The following ATP8B1 variants were observed in gnomAD, a reference collection of about 807,000 sequenced individuals.
The protein encoded by ATP8B1 is phospholipid-transporting ATPase IC.
In ATP8B1, 80 loss-of-function variants were observed where a neutral mutation model predicts 149.9. The observed-to-expected ratio is 0.53, with a 90% CI of 0.45 to 0.64. The LOEUF is 0.64. Ranked by LOEUF, ATP8B1 falls within the 30% of genes least tolerant of loss-of-function variation. ATP8B1 has a pLI of 0.00. For synonymous variants in ATP8B1, 536 were observed against 562.8 expected (o/e 0.95, Z 0.67); for missense variants, 1,247 against 1,552.6 (o/e 0.80, Z 3.31).
At chr18:57,780,338 A>G (rs2123412952) in intron 1 of ATP8B1, among the ~76,000 whole-genome samples, 1 of 152,378 alleles carries the variant, frequency 6.6e-6, no homozygotes, top group Admixed American at 6.5e-5. Flanking sequence ...TGAAGACTTT[A>G]TAGAATTCAC....
chr18:57,708,010 T>C (rs111714483), intron 2 of ATP8B1, among the ~76,000 whole-genome samples: 18,823 of 149,960 alleles, frequency 0.13, 1,416 homozygotes, highest in South Asian at 0.28. Context: ...CACAAAAAAG[T>C]AATGGGGCAT....
intron 1 of ATP8B1, among the ~76,000 whole-genome samples, chr18:57,783,253 G>A (rs1014452587): frequency 2.6e-5 from 4 of 152,092 alleles, no homozygotes; most frequent in African/African-American, 9.7e-5. Flanking sequence ...AAGATTACAG[G>A]GGAAAGAGGG....
chr18:57,671,671 G>A (rs1233806609), intron 16 of ATP8B1, 91 bp from the exon 17 acceptor site: 3 of 889,536 alleles, frequency 3.4e-6, no homozygotes, highest in Non-Finnish European at 5.5e-6. Context: ...TGTCCAGGCT[G>A]GAGTGCAGCA....
At chr18:57,797,507 C>T (rs546232311) in intron 1 of ATP8B1, among the ~76,000 whole-genome samples, 26 of 152,238 alleles carry the variant, frequency 1.7e-4, no homozygotes, top group African/African-American at 5.8e-4. Flanking sequence ...ACTCCATCCC[C>T]ACCACAGCTT....
chr18:57,799,341 T>A (rs1169970789), intron 1 of ATP8B1, among the ~76,000 whole-genome samples: 1 of 152,192 alleles, frequency 6.6e-6, no homozygotes, highest in Non-Finnish European at 1.5e-5. Flanking sequence ...TATTTAAAAG[T>A]GCAGTGCATT....
chr18:57,704,433 T>C (rs1913284541), intron 4 of ATP8B1, 122 bp downstream of exon 4: 1 of 725,680 alleles, frequency 1.4e-6, no homozygotes, highest in Admixed American at 2.1e-5. Flanking sequence ...TGTTCCTTTA[T>C]GTACAGAACC....
intron 2 of ATP8B1, among the ~76,000 whole-genome samples, chr18:57,709,179 T>G (rs1472498925): frequency 6.6e-6 from 1 of 152,206 alleles, no homozygotes; most frequent in East Asian, 1.9e-4. Flanking sequence ...GTCTACTCTT[T>G]ATTCATCTAT....
chr18:57,785,869 T>C (rs1376637533), intron 1 of ATP8B1, among the ~76,000 whole-genome samples: 2 of 152,214 alleles, frequency 1.3e-5, no homozygotes, highest in Non-Finnish European at 2.9e-5. Flanking sequence ...AGAACTTGGT[T>C]ATTCTCCTCT....
At chr18:57,723,079 G>A (rs1438121472) in intron 2 of ATP8B1, among the ~76,000 whole-genome samples, 1 of 151,460 alleles carries the variant, frequency 6.6e-6, no homozygotes, top group Non-Finnish European at 1.5e-5. Context: ...CAGTAAATTA[G>A]GTATTGATGG....
chr18:57,779,290 G>A (rs2080337348), intron 1 of ATP8B1, among the ~76,000 whole-genome samples: 1 of 151,810 alleles, frequency 6.6e-6, no homozygotes, highest in Non-Finnish European at 1.5e-5. Flanking sequence ...ACTCCAGCCT[G>A]GGCGACAGAG....
intron 1 of ATP8B1, among the ~76,000 whole-genome samples, chr18:57,783,746 A>G (rs564020901): frequency 6.6e-6 from 1 of 152,230 alleles, no homozygotes; most frequent in African/African-American, 2.4e-5. Flanking sequence ...TGAGGCAGGA[A>G]AATTGCTTGA....
intron 1 of ATP8B1, among the ~76,000 whole-genome samples, chr18:57,788,052 C>T (rs185736182): frequency 4.6e-5 from 7 of 151,940 alleles, no homozygotes; most frequent in Admixed American, 2.0e-4. Context: ...AAACTGAATA[C>T]GGAATGAACA....
intron 16 of ATP8B1, among the ~76,000 whole-genome samples, 157 bp downstream of exon 16, chr18:57,674,677 C>T (rs553611229): frequency 6.0e-4 from 92 of 152,296 alleles, no homozygotes; most frequent in African/African-American, 1.9e-3. Context: ...TGAGCCACCA[C>T]GCCCAGCCAA....
intron 4 of ATP8B1, among the ~76,000 whole-genome samples, chr18:57,702,860 A>G (rs75219507): frequency 7.8e-6 from 1 of 127,830 alleles, no homozygotes; most frequent in Non-Finnish European, 1.9e-5. Context: ...TCCATCTCAA[A>G]AAAAAAAAAA....
chr18:57,734,508 C>T (rs77462969), intron 1 of ATP8B1, among the ~76,000 whole-genome samples: 1,812 of 152,302 alleles, frequency 0.012, 37 homozygotes, highest in African/African-American at 0.041. Flanking sequence ...TTTTCATATA[C>T]TTCTTGGCGA....
At chr18:57,793,180 G>C (rs758609185) in intron 1 of ATP8B1, among the ~76,000 whole-genome samples, 1 of 152,150 alleles carries the variant, frequency 6.6e-6, no homozygotes, top group Non-Finnish European at 1.5e-5. Flanking sequence ...GTTCTGCTGA[G>C]AAAGTTATCT....
At chr18:57,735,081 A>G (rs2079833722) in intron 1 of ATP8B1, 1 of 150,952 alleles carries the variant, frequency 6.6e-6, no homozygotes, top group African/African-American at 2.4e-5. Context: ...AGCAAGGGCA[A>G]CCCCCTTTGG....
chr18:57,672,920 AT>A lies in ATP8B1; in HGVS notation c.1820-1341del, dbSNP rs1568189343. On this transcript the variant is annotated intron_variant, in intron 16 of 27. Coordinates refer to ENST00000648908, the MANE Select transcript of ATP8B1 (RefSeq NM_001374385.1). ...TATATATATATATATATATATATAT[AT>A]ATATATATATAACATGTATATACAC... is the stretch of plus-strand genomic sequence containing the variant. Among the ~76,000 whole-genome samples the A allele has an allele frequency of 9.0e-3, 519 of 57,402 alleles. 42 individuals are homozygous for A. Among genetic ancestry groups the A allele is most frequent in the East Asian group, 0.043 (41 of 964 alleles). 37.7% of individuals were successfully genotyped at this position (57,402 alleles called of 152,430 possible).
intron 1 of ATP8B1, among the ~76,000 whole-genome samples, chr18:57,738,606 C>G (rs772116730): frequency 1.3e-5 from 2 of 149,836 alleles, no homozygotes; most frequent in Non-Finnish European, 3.0e-5. Flanking sequence ...GCAACAAGAG[C>G]GAAACTCTGC....
Sources: gnomAD v4.1 joint callset for allele counts (sites outside exome capture counted in the v4.1 genomes callset) on GRCh38, gnomAD v4.1.1 for gene constraint, MANE v1.5 for transcripts, NCBI Gene and HGNC (gene_info 2026-07-23, HGNC 2026-07-21) for gene names.